The following PEX5L variants were observed in gnomAD, a reference collection of about 807,000 sequenced individuals.
The protein encoded by PEX5L is peroxisomal biogenesis factor 5 like, also known as PEX5-related protein.
A neutral mutation model predicts 84.0 loss-of-function variants in PEX5L; 30 were observed. The ratio of observed to expected loss-of-function variants is 0.36; its 90% CI spans 0.27 to 0.48. The LOEUF is 0.48. PEX5L is among the 20% of genes least tolerant of loss of function. PEX5L has a pLI of 0.99. For missense variants in PEX5L, 533 were observed against 754.6 expected (o/e 0.71, Z 3.44); for synonymous variants, 270 against 283.1 (o/e 0.95, Z 0.46).
Position 179,983,257 on chromosome 3 carries a change from C to T in PEX5L, c.22-11592G>A, listed in dbSNP as rs138443324. Among the ~76,000 whole-genome samples, 651 of 151,818 alleles carry T rather than the reference C, an allele frequency of 4.3e-3. 5 individuals carry two copies. The highest frequency in any genetic ancestry group is 0.015 in the African/African-American group (619 of 41,468). The stretch of plus-strand genomic sequence containing the variant: ...TTAATAAAAAATAAATTGCGACTAC[C>T]TTTTCATATTAATACACATATATCC... On this transcript the variant is annotated intron_variant, in intron 1 of 14. Transcript: ENST00000467460.
chr3:179,980,959 G>A (rs1374531157), intron 1 of PEX5L, among the ~76,000 whole-genome samples: 1 of 151,740 alleles, frequency 6.6e-6, no homozygotes, highest in East Asian at 1.9e-4. Context: ...TGGAGGCGGA[G>A]GTTGCAGTGA....
At chr3:179,967,209 A>C (rs915377434) in intron 2 of PEX5L, among the ~76,000 whole-genome samples, 2 of 152,108 alleles carry the variant, frequency 1.3e-5, no homozygotes, top group African/African-American at 4.8e-5. Context: ...AATGGTACAG[A>C]GCTATGTGAG....
At chr3:180,020,562 G>A (rs1790340466) in intron 1 of PEX5L, among the ~76,000 whole-genome samples, 1 of 152,062 alleles carries the variant, frequency 6.6e-6, no homozygotes, top group Non-Finnish European at 1.5e-5. Flanking sequence ...TGATGTGAAT[G>A]AGAAAACTGA....
intron 2 of PEX5L, among the ~76,000 whole-genome samples, chr3:179,943,973 C>T (rs1034159043): frequency 1.3e-5 from 2 of 151,926 alleles, no homozygotes; most frequent in East Asian, 3.9e-4. Context: ...GGGGCTCTCT[C>T]AACAAACTTG....
At chr3:180,001,502 T>C (rs1404231508) in intron 1 of PEX5L, among the ~76,000 whole-genome samples, 1 of 151,670 alleles carries the variant, frequency 6.6e-6, no homozygotes, top group Admixed American at 6.6e-5. Context: ...AATTTTTTTT[T>C]TGTTGTCATT....
chr3:179,886,266 C>T (rs900671952), intron 4 of PEX5L, among the ~76,000 whole-genome samples: 4 of 152,160 alleles, frequency 2.6e-5, no homozygotes, highest in African/African-American at 4.8e-5. Context: ...TCTTGTTTCA[C>T]GGATCAGAGG....
intron 2 of PEX5L, among the ~76,000 whole-genome samples, chr3:179,971,223 C>T (rs1784655953): frequency 6.6e-6 from 1 of 151,390 alleles, no homozygotes; most frequent in African/African-American, 2.4e-5. Flanking sequence ...CATTGTTTTA[C>T]AAGATAGAAT....
At chr3:179,908,168 C>A (rs1392830141) in intron 2 of PEX5L, among the ~76,000 whole-genome samples, 2 of 152,198 alleles carry the variant, frequency 1.3e-5, no homozygotes, top group African/African-American at 4.8e-5. Context: ...GTTGGCTCCT[C>A]ATAATGCTCT....
Position 179,807,743 on chromosome 3 carries a change from T to G in PEX5L, c.1607A>C (p.Glu536Ala). The G allele has an allele frequency of 6.2e-7, 1 of 1,614,160 alleles. No homozygotes were observed. Among genetic ancestry groups the G allele is most frequent in the Middle Eastern group, 1.6e-4 (1 of 6,062 alleles). ...EAVEAYTRAL[E>A]IQPGFIRSRY... ...GGACCGGATGAATCCTGGCTGAATC[T>G]CCAGTGCTCGCGTATAGGCCTCCAC... The change falls in exon 14 of 15, where the codon GAG (glutamate) becomes GCG (alanine). Residue 536 changes from glutamate (E) to alanine (A), a missense_variant. Around this residue, in one of 8 missense-constraint regions of PEX5L, gnomAD observed 105 missense variants for 204.6 expected, o/e 0.51. Transcript: ENST00000467460.
At chr3:179,973,495 C>A in intron 1 of PEX5L, 1 of 960,284 alleles carries the variant, frequency 1.0e-6, no homozygotes, top group Non-Finnish European at 1.2e-6. Flanking sequence ...ACTGTTGTTC[C>A]CATTTAATGT....
intron 8 of PEX5L, among the ~76,000 whole-genome samples, chr3:179,822,095 G>T (rs907204419): frequency 2.6e-5 from 4 of 152,132 alleles, no homozygotes; most frequent in African/African-American, 9.7e-5. Flanking sequence ...AAAGATGCAG[G>T]TTTAACCTGT....
At chr3:179,894,012 T>C (rs1430299364) in intron 3 of PEX5L, among the ~76,000 whole-genome samples, 1 of 151,948 alleles carries the variant, frequency 6.6e-6, no homozygotes, top group Non-Finnish European at 1.5e-5. Flanking sequence ...GATACTCCCA[T>C]ATTAGCCTCC....
chr3:179,941,514 A>G (rs750238073), intron 2 of PEX5L, among the ~76,000 whole-genome samples: 3 of 152,174 alleles, frequency 2.0e-5, no homozygotes, highest in Admixed American at 6.5e-5. Context: ...CATTTCCCCC[A>G]TTTCACAGAT....
At chr3:179,811,432 C>A (rs547848500) in intron 11 of PEX5L, among the ~76,000 whole-genome samples, 2 of 152,114 alleles carry the variant, frequency 1.3e-5, no homozygotes, top group Non-Finnish European at 2.9e-5. Flanking sequence ...CCTGCTCCAA[C>A]GTCATCCAGA....
Position 179,887,057 on chromosome 3 carries a change from T to A in PEX5L, c.310+616A>T, listed in dbSNP as rs535233410. Among the ~76,000 whole-genome samples the A allele has an allele frequency of 7.2e-5, 11 of 152,320 alleles. No homozygotes were observed. The South Asian group carries it at 1.4e-3, about 20-fold the overall frequency. The stretch of plus-strand genomic sequence containing the variant: ...TATGCCAGTGGCATCCTGTACTCAC[T>A]CATTGGATTAATACTTATTGAGTGC... On this transcript the variant is annotated intron_variant, in intron 4 of 14. Transcript: ENST00000467460.
At chr3:179,933,272 A>G (rs1773627219) in intron 2 of PEX5L, among the ~76,000 whole-genome samples, 1 of 152,216 alleles carries the variant, frequency 6.6e-6, no homozygotes, top group African/African-American at 2.4e-5. Context: ...GGAAATCGAC[A>G]GCCAGTCATG....
chr3:180,032,455 G>GA (rs1791546425), intron 1 of PEX5L, among the ~76,000 whole-genome samples: 1 of 152,186 alleles, frequency 6.6e-6, no homozygotes, highest in Non-Finnish European at 1.5e-5. Flanking sequence ...ACTCGCCTCT[G>GA]AAAATGTGTG....
At position 179,955,480 on chromosome 3, in the gene PEX5L, T is replaced by C. The variant is rs1458118098; in HGVS notation, c.93+16114A>G. The stretch of plus-strand genomic sequence containing the variant: ...CTCACTATGAGTTCTGCTATGCTCT[T>C]TTTTTTTTTTTTTTTTTTCAAAAAG... On this transcript the variant is annotated intron_variant, in intron 2 of 14. Transcript: ENST00000467460. Among the ~76,000 whole-genome samples, 282 of 139,224 alleles carry C rather than the reference T, an allele frequency of 2.0e-3. 2 individuals carry two copies. Among genetic ancestry groups the C allele is most frequent in the Non-Finnish European group, 3.5e-3 (229 of 65,628 alleles). 91.3% of individuals were successfully genotyped at this position (139,224 alleles called of 152,430 possible).
At chr3:179,911,422 C>CT (rs898593073) in intron 2 of PEX5L, among the ~76,000 whole-genome samples, 4 of 151,506 alleles carry the variant, frequency 2.6e-5, no homozygotes, top group Admixed American at 2.0e-4. Flanking sequence ...GGGCAGAGAT[C>CT]TTTTTTTTCT....
Sources: allele counts gnomAD v4.1 joint callset (sites outside exome capture counted in the v4.1 genomes callset), GRCh38; gene constraint gnomAD v4.1.1; regional missense constraint gnomAD v4.1.1; transcripts MANE v1.5; gene names NCBI Gene and HGNC (gene_info 2026-07-23, HGNC 2026-07-21).